ATXN1: variants seen among roughly 807,000 people sequenced by gnomAD.
ATXN1 encodes the protein ataxin-1.
In ATXN1, 8 loss-of-function variants were observed where a neutral mutation model predicts 56.4. That is an observed-to-expected ratio of 0.14 (90% confidence interval 0.08 to 0.26). The LOEUF is 0.26. Among genes scored for constraint, ATXN1 ranks in the 10% least tolerant of loss-of-function variants. The probability of loss-of-function intolerance (pLI) is 1.00; values close to 1 mark genes in which losing one functional copy is unlikely to be tolerated. For missense variants in ATXN1, 987 were observed against 1,106.5 expected (o/e 0.89, Z 1.53); for synonymous variants, 514 against 494.6 (o/e 1.04, Z -0.52).
At chr6:16,471,898 C>T (rs566456357) in intron 6 of ATXN1, among the ~76,000 whole-genome samples, 1 of 152,200 alleles carries the variant, frequency 6.6e-6, no homozygotes, top group East Asian at 1.9e-4. Context: ...AGTGACCACC[C>T]CCATGCATTA....
chr6:16,577,939 C>T (rs1430623367), intron 4 of ATXN1, among the ~76,000 whole-genome samples: 2 of 152,158 alleles, frequency 1.3e-5, no homozygotes, highest in African/African-American at 4.8e-5. Context: ...AAAAAACCCT[C>T]AGATTTTGAG....
In ATXN1 at chr6:16,716,742, T is replaced by C. The variant is rs952699335; in HGVS notation, c.-615+36491A>G. Among the ~76,000 whole-genome samples, 4 of 152,364 alleles carry C rather than the reference T, an allele frequency of 2.6e-5. No homozygotes were observed. The South Asian group carries it at 6.2e-4, about 24-fold the overall frequency. The stretch of plus-strand genomic sequence containing the variant: ...TGCCAGTGTAGTGCAAAAACTGCTA[T>C]AGACATTAGACAAATTATTGGATGT... On this transcript the variant is annotated intron_variant, in intron 2 of 7. Coordinates refer to ENST00000436367, the MANE Select transcript of ATXN1 (RefSeq NM_001128164.2).
intron 4 of ATXN1, among the ~76,000 whole-genome samples, chr6:16,545,491 C>A (rs1761797924): frequency 6.6e-6 from 1 of 152,004 alleles, no homozygotes; most frequent in African/African-American, 2.4e-5. Flanking sequence ...ACTGGAACCA[C>A]AAGTTCAAAT....
rs1361275864 is a variant in ATXN1 at position 16,745,771 on chromosome 6, G to A, written c.-615+7462C>T. ...AAACGTCACTGACAGGTTAGTGGAG[G>A]GTGCTTAGTCCTTCCCAAATTTCAA... On this transcript the variant is annotated intron_variant, in intron 2 of 7. Coordinates refer to ENST00000436367, the MANE Select transcript of ATXN1 (RefSeq NM_001128164.2). Among the ~76,000 whole-genome samples, 20 of 152,136 alleles carry A rather than the reference G, an allele frequency of 1.3e-4. No homozygotes were observed. The East Asian group carries it at 3.3e-3, about 25-fold the overall frequency.
At chr6:16,703,927 G>C (rs1364261125) in intron 2 of ATXN1, among the ~76,000 whole-genome samples, 1 of 152,224 alleles carries the variant, frequency 6.6e-6, no homozygotes, top group Non-Finnish European at 1.5e-5. Flanking sequence ...CCTGAGCCAG[G>C]AGAATTGCTT....
At chr6:16,313,564 T>A (rs1195231119) in intron 7 of ATXN1, among the ~76,000 whole-genome samples, 1 of 152,024 alleles carries the variant, frequency 6.6e-6, no homozygotes, top group Non-Finnish European at 1.5e-5. Context: ...TGGAATTTTT[T>A]TTTTTTTTTT....
chr6:16,404,290 G>A (rs1758639336), intron 6 of ATXN1, among the ~76,000 whole-genome samples: 1 of 152,184 alleles, frequency 6.6e-6, no homozygotes, highest in Admixed American at 6.5e-5. Context: ...AGATTTAAGA[G>A]GCAGGAACAT....
chr6:16,422,188 G>A (rs1232452854), intron 6 of ATXN1, among the ~76,000 whole-genome samples: 1 of 152,212 alleles, frequency 6.6e-6, no homozygotes, highest in Non-Finnish European at 1.5e-5. Context: ...TTCAGAGACA[G>A]TGAGGTAGAT....
In ATXN1 at chr6:16,346,465, C is replaced by T. The variant is rs552274856; in HGVS notation, c.-160-17995G>A. Among the ~76,000 whole-genome samples, 79 of 152,288 alleles carry T rather than the reference C, an allele frequency of 5.2e-4. No individual in the cohort carries two copies. The South Asian group carries it at 0.016, about 31-fold the overall frequency. Reference sequence around the variant, plus strand: ...GCAGTGGAAGAGAGGTTATAGTGAGCAGCTGCTGGTCACAGACTAAAGAGA... The same window carrying T: ...GCAGTGGAAGAGAGGTTATAGTGAGTAGCTGCTGGTCACAGACTAAAGAGA... On this transcript the variant is annotated intron_variant, in intron 6 of 7. Transcript: ENST00000436367.
intron 6 of ATXN1, among the ~76,000 whole-genome samples, chr6:16,355,719 G>A (rs544525358): frequency 2.0e-5 from 3 of 152,152 alleles, no homozygotes; most frequent in Non-Finnish European, 2.9e-5. Context: ...GCGCCACCAC[G>A]CCCGGCTAAT....
chr6:16,380,200 G>C (rs573465244), intron 6 of ATXN1, among the ~76,000 whole-genome samples: 1 of 152,286 alleles, frequency 6.6e-6, no homozygotes, highest in Non-Finnish European at 1.5e-5. Context: ...ACAGAAGCCA[G>C]GAGAAGGGGC....
intron 3 of ATXN1, among the ~76,000 whole-genome samples, chr6:16,603,327 C>A (rs1385341406): frequency 2.0e-5 from 3 of 152,202 alleles, no homozygotes; most frequent in Non-Finnish European, 4.4e-5. Context: ...CCTTCTGGTC[C>A]CCTGCCTCAA....
At chr6:16,710,675 C>T (rs1483131721) in intron 2 of ATXN1, among the ~76,000 whole-genome samples, 2 of 152,008 alleles carry the variant, frequency 1.3e-5, no homozygotes, top group Non-Finnish European at 2.9e-5. Context: ...GTAGCCTCAA[C>T]CTCCTGGGCT....
rs150252656 is a variant in ATXN1, at chr6:16,443,979, G to A, written c.-161+41993C>T. ...AAAACAGAAAAGATTAGCCAGGCGT[G>A]GTGGCGGGCGCCTGTAGTCCCAGCT... On this transcript the variant is annotated intron_variant, in intron 6 of 7. Coordinates refer to ENST00000436367, the MANE Select transcript of ATXN1 (RefSeq NM_001128164.2). Among the ~76,000 whole-genome samples the A allele has an allele frequency of 5.8e-3, 877 of 152,208 alleles. 7 individuals are homozygous for A. The highest frequency in any genetic ancestry group is 0.02 in the African/African-American group (838 of 41,530).
chr6:16,368,673 A>G (rs1385699510), intron 6 of ATXN1, among the ~76,000 whole-genome samples: 2 of 152,248 alleles, frequency 1.3e-5, no homozygotes, highest in East Asian at 3.9e-4. Flanking sequence ...CCCAAGTCAC[A>G]CATATTCAAG....
intron 2 of ATXN1, among the ~76,000 whole-genome samples, chr6:16,701,621 G>A (rs1397410184): frequency 6.6e-6 from 1 of 152,182 alleles, no homozygotes; most frequent in African/African-American, 2.4e-5. Context: ...AAGCTGATAA[G>A]CAACGTCAGC....
At chr6:16,644,513 C>CAA (rs368108627) in intron 3 of ATXN1, among the ~76,000 whole-genome samples, 2,852 of 92,140 alleles carry the variant, frequency 0.031, 42 homozygotes, top group South Asian at 0.075. Context: ...GACTCCGTTT[C>CAA]AAAAAAAAAA....
chr6:16,356,562 A>C (rs1367820868), intron 6 of ATXN1, among the ~76,000 whole-genome samples: 1 of 152,246 alleles, frequency 6.6e-6, no homozygotes, highest in African/African-American at 2.4e-5. Flanking sequence ...GAAGGGAAGT[A>C]GACTGAATTA....
At chr6:16,634,684 T>A (rs1763562792) in intron 3 of ATXN1, among the ~76,000 whole-genome samples, 1 of 152,240 alleles carries the variant, frequency 6.6e-6, no homozygotes, top group Admixed American at 6.5e-5. Context: ...ATGTGGTCTC[T>A]CAATTCACAT....
Sources: allele counts gnomAD v4.1 joint callset (sites outside exome capture counted in the v4.1 genomes callset), GRCh38; gene constraint gnomAD v4.1.1; transcripts MANE v1.5; gene names NCBI Gene and HGNC (gene_info 2026-07-23, HGNC 2026-07-21).